The following CUL9 variants were observed in gnomAD, a reference collection of about 807,000 sequenced individuals.
CUL9 encodes cullin-9.
CUL9 carries 79 observed loss-of-function variants against 272.6 expected under a neutral mutation model. The observed-to-expected ratio is 0.29, with a 90% CI of 0.24 to 0.35. The LOEUF is 0.35. CUL9 is among the 10% of genes least tolerant of loss of function. The pLI is 1.00. For missense variants in CUL9, 2,532 were observed against 3,255.6 expected (o/e 0.78, Z 5.41); for synonymous variants, 1,186 against 1,286.5 (o/e 0.92, Z 1.67).
Position 43,184,914 on chromosome 6 carries a change from C to T in CUL9, c.595+9C>T. On this transcript the variant is annotated intron_variant, in intron 2 of 40. Transcript: ENST00000252050. This position sits in a 1 kb window ranked among gnomAD's most constrained non-coding sequence, Gnocchi z 4.8. ...GGCAGCCCACGATGCTGGTAAGAGA[C>T]AGCCAGGGAAGAAGGAAAGGAATGG... 1 of 1,575,112 alleles carries T rather than the reference C, an allele frequency of 6.3e-7. No individual in the cohort carries two copies. The highest frequency in any genetic ancestry group is 8.6e-7 in the Non-Finnish European group (1 of 1,160,624).
In CUL9 at chr6:43,224,090, A is replaced by T; in HGVS notation, c.7285-5A>T. 1.2e-6 allele frequency: 2 copies of T among 1,614,148 alleles called. No individual in the cohort carries two copies. Among genetic ancestry groups the T allele is most frequent in the Non-Finnish European group, 1.7e-6 (2 of 1,179,988 alleles). ...CCTTCTCAAATCCTTCTGTCTGCTC[A>T]CCAGGATTTCCGGGTTGGTCTTCAG... is the stretch of plus-strand genomic sequence containing the variant. On this transcript the variant is annotated splice_polypyrimidine_tract_variant and splice_region_variant and intron_variant, in intron 39 of 40. Transcript: ENST00000252050. This position sits in a 1 kb window ranked among gnomAD's most constrained non-coding sequence, Gnocchi z 4.2.
chr6:43,214,148 A>G (rs112483086), intron 29 of CUL9, among the ~76,000 whole-genome samples: 1 of 152,242 alleles, frequency 6.6e-6, no homozygotes, highest in East Asian at 1.9e-4. Context: ...AGCCAGGTAC[A>G]GTGGCTCATA....
rs377429586 is a variant in CUL9 at position 43,196,857 on chromosome 6, G to A, written c.2798G>A (p.Arg933His). 1.1e-4 allele frequency: 185 copies of A among 1,613,598 alleles called. 1 individual carries two copies. The highest frequency in any genetic ancestry group is 2.0e-4 in the Admixed American group (12 of 60,008). ...TCAGAGCCGCCGGGCAGCCCTGAGC[G>A]TGCAGGTACCATTGTGGAGGGGTGG... ...RYSEPPGSPE[R>H]AALETPIIQG... is the part of the protein sequence containing the mutation. Residue 933 changes from arginine to histidine, a missense_variant, in exon 11 of 41, where the codon CGT (arginine) becomes CAT (histidine). Physicochemically the swap from Arg to His is conservative, Grantham distance 29 (BLOSUM62 0). Around this residue, in one of 3 missense-constraint regions of CUL9, gnomAD observed 2,218 missense variants for 2,788.6 expected, o/e 0.80. Coordinates refer to ENST00000252050, the MANE Select transcript of CUL9 (RefSeq NM_015089.4).
Position 43,218,862 on chromosome 6 carries a change from A to C in CUL9, c.6283-1597A>C, listed in dbSNP as rs894628954. Among the ~76,000 whole-genome samples the C allele has an allele frequency of 6.6e-6, 1 of 152,082 alleles. No homozygotes were observed. Among genetic ancestry groups the C allele is most frequent in the Non-Finnish European group, 1.5e-5 (1 of 68,022 alleles). ...ACACCTGTGTGGAACTGGCAGGTAGACAGTGGATTTTTGAATTTGGAATGA... is the reference window on the plus strand; with the variant it reads ...ACACCTGTGTGGAACTGGCAGGTAGCCAGTGGATTTTTGAATTTGGAATGA... On this transcript the variant is annotated intron_variant, in intron 31 of 40. Coordinates refer to ENST00000252050, the MANE Select transcript of CUL9 (RefSeq NM_015089.4). The surrounding 1 kb of genome is among the most constrained non-coding windows in gnomAD (Gnocchi z 4.4).
At position 43,184,649 on chromosome 6, in the gene CUL9, A is replaced by T; in HGVS notation, c.339A>T (p.Gly113=). ...GAGGCCTGGATGAAGTGGCAATGGG[A>T]GAGATGGAGGCTGATGTTCAGGCGC... The part of the protein sequence containing the change: ...DPGGLDEVAM[G]EMEADVQALV... Residue 113 remains glycine (G), a synonymous_variant, in exon 2 of 41, where the codon GGA becomes GGT. Coordinates refer to ENST00000252050, the MANE Select transcript of CUL9 (RefSeq NM_015089.4). The surrounding 1 kb of genome is among the most constrained non-coding windows in gnomAD (Gnocchi z 4.8). 1 of 1,611,676 alleles carries T rather than the reference A, an allele frequency of 6.2e-7. No homozygotes were observed. Among genetic ancestry groups the T allele is most frequent in the East Asian group, 2.2e-5 (1 of 44,794 alleles).
Position 43,198,803 on chromosome 6 carries a change from C to G in CUL9, c.2998C>G (p.Arg1000Gly). 6.2e-7 allele frequency: 1 copy of G among 1,613,832 alleles called. No homozygotes were observed. Among genetic ancestry groups the G allele is most frequent in the Non-Finnish European group, 8.5e-7 (1 of 1,180,032 alleles). Residue 1000 changes from arginine (R) to glycine (G), a missense_variant, in exon 12 of 41, where the codon CGG becomes GGG. By Grantham distance (125) the Arg-to-Gly change is moderately radical (BLOSUM62 -2). This residue lies in a region of CUL9 where 2,218 missense variants were observed against 2,788.6 expected (regional missense o/e 0.80). Transcript: ENST00000252050. Reference protein sequence around the residue: ...QETQPFLLLLRTLDAPGPNKT... With the variant: ...QETQPFLLLLGTLDAPGPNKT... ...GACCCAGCCTTTCCTCCTGTTGCTG[C>G]GGACTCTGGATGCTCCGGGGCCCAA...
At position 43,213,611 on chromosome 6, in the gene CUL9, G is replaced by A; in HGVS notation, c.5488+44G>A. 1 of 1,605,752 alleles carries A rather than the reference G, an allele frequency of 6.2e-7. No individual in the cohort carries two copies. The highest frequency in any genetic ancestry group is 8.5e-7 in the Non-Finnish European group (1 of 1,175,434). On this transcript the variant is annotated intron_variant, in intron 28 of 40. Transcript: ENST00000252050. The surrounding 1 kb of genome is among the most constrained non-coding windows in gnomAD (Gnocchi z 5.7). ...GGCTGAGCCTCTGCTGCTGGTCGGG[G>A]GGTCGCCCTCAAGATGGGGGGACTG...
chr6:43,208,798 C>T (rs1379109163), intron 26 of CUL9, among the ~76,000 whole-genome samples: 3 of 152,052 alleles, frequency 2.0e-5, no homozygotes, highest in East Asian at 3.8e-4. Context: ...ATATATCTAG[C>T]GTAACATTTG....
chr6:43,213,934 A>C lies in CUL9; in HGVS notation c.5688+22A>C. The C allele has an allele frequency of 6.2e-7, 1 of 1,613,158 alleles. No individual in the cohort carries two copies. Among genetic ancestry groups the C allele is most frequent in the Non-Finnish European group, 8.5e-7 (1 of 1,179,416 alleles). ...TCTGGTAGGCAGAGAGGGGACCATG[A>C]AGTTGGCGGAGGGAGGGAGTCATGC... On this transcript the variant is annotated intron_variant, in intron 29 of 40. Transcript: ENST00000252050. The surrounding 1 kb of genome is among the most constrained non-coding windows in gnomAD (Gnocchi z 5.7).
intron 9 of CUL9, among the ~76,000 whole-genome samples, chr6:43,195,855 T>C (rs2150555937): frequency 6.6e-6 from 1 of 152,266 alleles, no homozygotes; most frequent in South Asian, 2.1e-4. Flanking sequence ...TGTTGTTGTT[T>C]AGTTTCTTTC....
chr6:43,208,248 C>G (rs1050652755), intron 26 of CUL9, among the ~76,000 whole-genome samples: 1 of 152,178 alleles, frequency 6.6e-6, no homozygotes, highest in African/African-American at 2.4e-5. Flanking sequence ...GTCACCCAGG[C>G]TGGAGTACAG....
intron 9 of CUL9, among the ~76,000 whole-genome samples, chr6:43,195,599 G>C (rs367679526): frequency 2.0e-5 from 3 of 152,188 alleles, no homozygotes; most frequent in East Asian, 3.9e-4. Context: ...AGAGAGGTAG[G>C]AGAAAAGCCA....
intron 11 of CUL9, 118 bp downstream of exon 11, chr6:43,196,980 C>G: frequency 1.2e-6 from 1 of 807,860 alleles, no homozygotes; most frequent in Non-Finnish European, 2.0e-6. Context: ...GCATTGTGCT[C>G]AAGTTAGGTC....
Position 43,223,037 on chromosome 6 carries a change from C to A in CUL9, c.7150+141C>A. The stretch of plus-strand genomic sequence containing the variant: ...TCATTCTTCATGGCCTTCTCACTGC[C>A]TGGCTGTTAAAGCTCAGGTCGAAAG... On this transcript the variant is annotated intron_variant, in intron 38 of 40. Transcript: ENST00000252050. The surrounding 1 kb of genome is among the most constrained non-coding windows in gnomAD (Gnocchi z 4.1). 1.1e-6 allele frequency: 1 copy of A among 903,904 alleles called. No homozygotes were observed. 56.0% of individuals were successfully genotyped at this position (903,904 alleles called of 1,614,324 possible). A position where few individuals can be genotyped will look rare whatever the true frequency, so the allele number is the denominator to read the frequency against.
rs369377117 is a variant in CUL9 at position 43,190,543 on chromosome 6, GA to G, written c.2180+1836del. ...TGATCATATTCAAGTGAGATTGACA[GA>G]AAAAAAATCTGAAAGCCATTAAGAC... On this transcript the variant is annotated intron_variant, in intron 8 of 40. Transcript: ENST00000252050. 1.9e-3 allele frequency among the ~76,000 whole-genome samples: 295 copies of G among 151,736 alleles called. 1 individual carries two copies. Among genetic ancestry groups the G allele is most frequent in the East Asian group, 0.015 (77 of 5,176 alleles).
rs201133006 is a variant in CUL9, at chr6:43,213,188, G to A, written c.5252G>A (p.Arg1751Gln). The A allele has an allele frequency of 5.6e-5, 91 of 1,614,130 alleles. No homozygotes were observed. Among genetic ancestry groups the A allele is most frequent in the Non-Finnish European group, 7.3e-5 (86 of 1,180,026 alleles). ...HPVLDMGPHR[R>Q]LQWTWLGRAE... ...GTCCTGGACATGGGACCACATCGGCGACTGCAGTGGACGTGGCTGGGCCGG... is the reference window on the plus strand; with the variant it reads ...GTCCTGGACATGGGACCACATCGGCAACTGCAGTGGACGTGGCTGGGCCGG... Residue 1751 changes from arginine (R) to glutamine (Q), a missense_variant, in exon 27 of 41, where the codon CGA becomes CAA. Arg to Gln is a conservative substitution (Grantham distance 43, BLOSUM62 1). Coordinates refer to ENST00000252050, the MANE Select transcript of CUL9 (RefSeq NM_015089.4). The surrounding 1 kb of genome is among the most constrained non-coding windows in gnomAD (Gnocchi z 5.7).
chr6:43,215,255 G>A lies in CUL9; in HGVS notation c.5865G>A (p.Glu1955=). The change falls in exon 30 of 41, where the codon GAG becomes GAA. Residue 1955 remains glutamate (E), a synonymous_variant. Transcript: ENST00000252050. ...RPQILMYAAP[E]PMGPCRGQAD... ...AGATCCTGATGTATGCCGCTCCAGAGCCCATGGGGCCCTGCCGGGGTCAGG... is the reference window on the plus strand; with the variant it reads ...AGATCCTGATGTATGCCGCTCCAGAACCCATGGGGCCCTGCCGGGGTCAGG... 1 of 1,614,172 alleles carries A rather than the reference G, an allele frequency of 6.2e-7. No individual in the cohort carries two copies. The highest frequency in any genetic ancestry group is 8.5e-7 in the Non-Finnish European group (1 of 1,180,044).
chr6:43,213,021 CTCTG>C lies in CUL9; in HGVS notation c.5213-123_5213-120del. The C allele has an allele frequency of 9.7e-7, 1 of 1,035,910 alleles. No homozygotes were observed. The allele number at this position is 1,035,910 out of a possible 1,614,324, so 64.2% of individuals were successfully genotyped here. A position where few individuals can be genotyped will look rare whatever the true frequency, so the allele number is the denominator to read the frequency against. ...GATCTGGAAGCTTGACAAGGTATCT[CTCTG>C]TCTGAAAATGCTGGGGCCCTCCTCC... On this transcript the variant is annotated intron_variant, in intron 26 of 40. Transcript: ENST00000252050. The surrounding 1 kb of genome is among the most constrained non-coding windows in gnomAD (Gnocchi z 5.7).
chr6:43,199,414 C>T lies in CUL9; in HGVS notation c.3156+43C>T, dbSNP rs1411179127. The T allele has an allele frequency of 6.7e-7, 1 of 1,490,256 alleles. No homozygotes were observed. Among genetic ancestry groups the T allele is most frequent in the African/African-American group, 1.4e-5 (1 of 72,492 alleles). 92.3% of individuals were successfully genotyped at this position (1,490,256 alleles called of 1,614,324 possible). ...AGGAGAAGAGAGGGAAGGGCAGCAT[C>T]TGGGGCACCAACTCCTTGTGAGGCT... On this transcript the variant is annotated intron_variant, in intron 13 of 40. Transcript: ENST00000252050. This position sits in a 1 kb window ranked among gnomAD's most constrained non-coding sequence, Gnocchi z 4.4.
Sources: gnomAD v4.1 joint callset for allele counts (sites outside exome capture counted in the v4.1 genomes callset) on GRCh38, gnomAD v4.1.1 for gene constraint, gnomAD v4.1.1 regional missense constraint, Gnocchi (gnomAD v3.1) non-coding constraint, MANE v1.5 for transcripts, NCBI Gene and HGNC (gene_info 2026-07-23, HGNC 2026-07-21) for gene names.